The following COL9A1 variants were observed in gnomAD, a reference collection of about 807,000 sequenced individuals.
COL9A1 encodes the protein collagen type IX alpha 1 chain.
Under a neutral mutation model 142.6 loss-of-function variants are expected in COL9A1, and 104 were observed. That is an observed-to-expected ratio of 0.73 (90% confidence interval 0.62 to 0.86). The LOEUF (loss-of-function observed/expected upper bound fraction) is 0.86. Among genes scored for constraint, COL9A1 ranks in the 40% least tolerant of loss-of-function variants. COL9A1 has a pLI of 0.00. For missense variants in COL9A1, 1,210 were observed against 1,176.6 expected (o/e 1.03, Z -0.42); for synonymous variants, 466 against 396.0 (o/e 1.18, Z -2.10).
In COL9A1 at chr6:70,294,473, A is replaced by G. The variant is rs746875780; in HGVS notation, c.390T>C (p.Ile130=). ...TCCCAGAGGAATCCTGAATCTGCCA[A>G]ATGTTCCAGTTCTTTTTGAGAGTGC... ...TGSTLKKNWN[I]WQIQDSSGKE... The change falls in exon 5 of 38, where the codon ATT becomes ATC. Residue 130 remains isoleucine, a synonymous_variant. Coordinates refer to ENST00000357250, the MANE Select transcript of COL9A1 (RefSeq NM_001851.6). 51 of 1,613,970 alleles carry G rather than the reference A, an allele frequency of 3.2e-5. No individual in the cohort carries two copies. Among genetic ancestry groups the G allele is most frequent in the Non-Finnish European group, 4.2e-5 (50 of 1,179,978 alleles).
chr6:70,278,144 A>G (rs1330501303), intron 10 of COL9A1, among the ~76,000 whole-genome samples: 1 of 152,238 alleles, frequency 6.6e-6, no homozygotes, highest in East Asian at 1.9e-4. Context: ...TTTATAAGTA[A>G]TTATAAAATA....
Position 70,242,049 on chromosome 6 carries a change from A to T in COL9A1, c.1927-14T>A. ...ACCCAGAGAACCCTGGAAAGCAAAA[A>T]CAAAGTCCCCGGAGTTACTGTCACT... On this transcript the variant is annotated splice_polypyrimidine_tract_variant and intron_variant, in intron 29 of 37. Coordinates refer to ENST00000357250, the MANE Select transcript of COL9A1 (RefSeq NM_001851.6). 1 of 1,584,550 alleles carries T rather than the reference A, an allele frequency of 6.3e-7. No individual in the cohort carries two copies.
In COL9A1 at chr6:70,234,786, C is replaced by G. The variant is rs771313083; in HGVS notation, c.2259+8G>C. On this transcript the variant is annotated splice_region_variant and intron_variant, in intron 34 of 37. Coordinates refer to ENST00000357250, the MANE Select transcript of COL9A1 (RefSeq NM_001851.6). ...AAAGGGAAACCACAGAAGCTGCCCA[C>G]CACTCACCGGAGGGCCCTGGACACC... The G allele has an allele frequency of 3.1e-5, 50 of 1,613,994 alleles. No homozygotes were observed. The South Asian group carries it at 5.3e-4, about 17-fold the overall frequency.
At chr6:70,258,030 G>C (rs1157058370) in intron 20 of COL9A1, among the ~76,000 whole-genome samples, 1 of 152,188 alleles carries the variant, frequency 6.6e-6, no homozygotes, top group Admixed American at 6.5e-5. Context: ...GATGACATAA[G>C]AATGACTCAG....
intron 33 of COL9A1, among the ~76,000 whole-genome samples, chr6:70,235,280 C>T (rs148453330): frequency 0.019 from 2,878 of 152,204 alleles, 104 homozygotes; most frequent in African/African-American, 0.065. Context: ...TGGTGAAACC[C>T]TGTCTCTACT....
chr6:70,282,821 A>G, intron 7 of COL9A1, 77 bp downstream of exon 7: 2 of 1,608,430 alleles, frequency 1.2e-6, no homozygotes, highest in Non-Finnish European at 8.5e-7. Context: ...CCTTTCTCAC[A>G]GCTCCCTCGA....
intron 14 of COL9A1, among the ~76,000 whole-genome samples, 169 bp from the exon 15 acceptor site, chr6:70,270,536 A>T (rs1772328039): frequency 6.6e-6 from 1 of 152,224 alleles, no homozygotes; most frequent in Admixed American, 6.5e-5. Flanking sequence ...TTAGTTCTAC[A>T]AAATGAGAGT....
chr6:70,286,769 G>T (rs542026887), intron 5 of COL9A1, among the ~76,000 whole-genome samples: 3 of 152,210 alleles, frequency 2.0e-5, no homozygotes, highest in African/African-American at 7.2e-5. Context: ...GACTAAACCC[G>T]GCTGTTCCAG....
rs2127575414 is a variant in COL9A1 at position 70,253,389 on chromosome 6, T to C, written c.1760A>G (p.Glu587Gly). The change falls in exon 26 of 38, where the codon GAA becomes GGA. Residue 587 changes from glutamate (E) to glycine (G), a missense_variant. Transcript: ENST00000357250. ...GIPGAKGVAG[E>G]KGSTGAPGKP... Reference sequence around the variant, plus strand: ...TTAAATTTTAAAATATTTTACCTTTTCACCAGCAACACCCTTTGCACCAGG... The same window carrying C: ...TTAAATTTTAAAATATTTTACCTTTCCACCAGCAACACCCTTTGCACCAGG... 1 of 1,598,294 alleles carries C rather than the reference T, an allele frequency of 6.3e-7. No homozygotes were observed. The highest frequency in any genetic ancestry group is 8.6e-7 in the Non-Finnish European group (1 of 1,167,542).
In COL9A1 at chr6:70,301,133, T is replaced by C. The variant is rs6932361; in HGVS notation, c.89-747A>G. On this transcript the variant is annotated intron_variant, in intron 2 of 37. Transcript: ENST00000357250. ...TTTGATAAGAAATCATAGAATGGAA[T>C]TGTGTTCTCCTTACACAAATGGAAG... 6.4e-3 allele frequency among the ~76,000 whole-genome samples: 971 copies of C among 152,284 alleles called. 9 individuals carry two copies. The highest frequency in any genetic ancestry group is 0.022 in the African/African-American group (895 of 41,532).
intron 28 of COL9A1, among the ~76,000 whole-genome samples, chr6:70,246,872 C>T (rs909400533): frequency 1.3e-5 from 2 of 152,106 alleles, no homozygotes; most frequent in African/African-American, 4.8e-5. Context: ...CTGGTAACTT[C>T]GGGCAAGCAG....
At chr6:70,281,523 G>T in intron 7 of COL9A1, 59 bp from the exon 8 acceptor site, 1 of 1,418,778 alleles carries the variant, frequency 7.0e-7, no homozygotes, top group Non-Finnish European at 9.7e-7. Context: ...GAGCAACTGA[G>T]CGCGGTGCCC....
rs1224778834 is a variant in COL9A1 at position 70,294,551 on chromosome 6, G to A, written c.312C>T (p.Pro104=). The A allele has an allele frequency of 6.2e-7, 1 of 1,613,880 alleles. No individual in the cohort carries two copies. The highest frequency in any genetic ancestry group is 1.7e-5 in the Admixed American group (1 of 59,994). ...DFRIPTRNLY[P]SGLPEEYSFL... ...AGGAGTATTCTTCAGGCAGTCCACT[G>A]GGATATAAATTCCTGAGTAAAATTT... Residue 104 remains proline, a synonymous_variant, in exon 5 of 38, where the codon CCC becomes CCT. Coordinates refer to ENST00000357250, the MANE Select transcript of COL9A1 (RefSeq NM_001851.6).
intron 33 of COL9A1, among the ~76,000 whole-genome samples, chr6:70,235,219 C>A (rs1246294606): frequency 6.6e-6 from 1 of 152,140 alleles, no homozygotes; most frequent in Admixed American, 6.6e-5. Context: ...TTGTAGGAGG[C>A]CCATGTGGGT....
At position 70,271,659 on chromosome 6, in the gene COL9A1, G is replaced by C; in HGVS notation, c.1139C>G (p.Pro380Arg). 1 of 1,613,734 alleles carries C rather than the reference G, an allele frequency of 6.2e-7. No individual in the cohort carries two copies. Among genetic ancestry groups the C allele is most frequent in the East Asian group, 2.2e-5 (1 of 44,868 alleles). Residue 380 changes from proline to arginine, a missense_variant, in exon 14 of 38, where the codon CCT (proline) becomes CGT (arginine). By Grantham distance (103) the Pro-to-Arg change is moderately radical. Coordinates refer to ENST00000357250, the MANE Select transcript of COL9A1 (RefSeq NM_001851.6). ...AAAGTGCACTGTGGTACTCACAACA[G>C]GTCCTACACGGCCAAGCTCTCCAGG... ...GLPGELGRVGPVGDPGRRGPP... is the reference protein window; with the variant it reads ...GLPGELGRVGRVGDPGRRGPP...
chr6:70,300,436 T>TAAA, intron 2 of COL9A1, 50 bp from the exon 3 acceptor site: 1 of 796,302 alleles, frequency 1.3e-6, no homozygotes. Flanking sequence ...TAACTTAAAG[T>TAAA]ATAATAATAA....
intron 28 of COL9A1, among the ~76,000 whole-genome samples, chr6:70,249,300 T>C (rs2127572454): frequency 6.6e-6 from 1 of 152,236 alleles, no homozygotes; most frequent in African/African-American, 2.4e-5. Flanking sequence ...TTTGGCATTT[T>C]TGTTTGTCCC....
Position 70,300,341 on chromosome 6 carries a change from G to A in COL9A1, c.134C>T (p.Pro45Leu). The A allele has an allele frequency of 6.2e-7, 1 of 1,613,436 alleles. No homozygotes were observed. The highest frequency in any genetic ancestry group is 1.1e-5 in the South Asian group (1 of 91,058). The change falls in exon 3 of 38, where the codon CCA becomes CTA. Residue 45 changes from proline to leucine, a missense_variant. Physicochemically the swap from Pro to Leu is moderately conservative, Grantham distance 98. Coordinates refer to ENST00000357250, the MANE Select transcript of COL9A1 (RefSeq NM_001851.6). ...GTCATCTTGGCCAATCCTGATCTTTGGACAGAGTTCATTTCCACCATTAGA... is the reference window on the plus strand; with the variant it reads ...GTCATCTTGGCCAATCCTGATCTTTAGACAGAGTTCATTTCCACCATTAGA... ...SNSNGGNELCPKIRIGQDDLP... is the reference protein window; with the variant it reads ...SNSNGGNELCLKIRIGQDDLP...
intron 28 of COL9A1, among the ~76,000 whole-genome samples, chr6:70,247,198 C>T (rs1208205470): frequency 6.6e-6 from 1 of 152,212 alleles, no homozygotes; most frequent in East Asian, 1.9e-4. Flanking sequence ...TTTCTGTCAA[C>T]ATCACTGATC....
Sources: gnomAD v4.1 joint callset for allele counts (sites outside exome capture counted in the v4.1 genomes callset) on GRCh38, gnomAD v4.1.1 for gene constraint, MANE v1.5 for transcripts, NCBI Gene and HGNC (gene_info 2026-07-23, HGNC 2026-07-21) for gene names.